Variants in PRKG1 observed in about 807,000 individuals in gnomAD.
The protein encoded by PRKG1 is cGMP-dependent protein kinase 1.
Under a neutral mutation model 88.1 loss-of-function variants are expected in PRKG1, and 35 were observed. The observed-to-expected ratio is 0.40, with a 90% CI of 0.30 to 0.53. PRKG1 has a LOEUF of 0.53. PRKG1 is among the 20% of genes least tolerant of loss of function. PRKG1 has a pLI of 0.59. For synonymous variants in PRKG1, 303 were observed against 292.5 expected (o/e 1.04, Z -0.37); for missense variants, 540 against 839.8 (o/e 0.64, Z 4.41).
intron 7 of PRKG1, among the ~76,000 whole-genome samples, chr10:52,071,188 T>C (rs1276321832): frequency 6.6e-6 from 1 of 152,230 alleles, no homozygotes; most frequent in Admixed American, 6.5e-5. Flanking sequence ...TGCAGGTTTG[T>C]TACATGGGTG....
chr10:51,407,958 A>G (rs1369619463), intron 2 of PRKG1, among the ~76,000 whole-genome samples: 3 of 151,704 alleles, frequency 2.0e-5, no homozygotes, highest in Non-Finnish European at 2.9e-5. Flanking sequence ...TTTCAGTTCA[A>G]TGGAATCATT....
Position 51,731,172 on chromosome 10 carries a change from C to CAAAA in PRKG1, c.593-73410_593-73409insAAAA, listed in dbSNP as rs1165477239. Among the ~76,000 whole-genome samples the CAAAA allele has an allele frequency of 7.6e-4, 116 of 152,068 alleles. No individual in the cohort carries two copies. The Middle Eastern group carries it at 0.02, about 27-fold the overall frequency. On this transcript the variant is annotated intron_variant, in intron 3 of 17. Coordinates refer to ENST00000373980, the MANE Select transcript of PRKG1 (RefSeq NM_006258.4). ...GAAAAACAACAAACAAACAAACAAA[C>CAAAA]AAACAAAAAACCCACTTCTGATAAG...
At chr10:51,572,882 G>C (rs561853056) in intron 3 of PRKG1, among the ~76,000 whole-genome samples, 6 of 151,868 alleles carry the variant, frequency 4.0e-5, no homozygotes, top group Non-Finnish European at 7.4e-5. Flanking sequence ...AGGGGAGTAA[G>C]AATTAAACTC....
intron 4 of PRKG1, among the ~76,000 whole-genome samples, chr10:51,897,568 T>C: frequency 6.6e-6 from 1 of 152,322 alleles, no homozygotes; most frequent in South Asian, 2.1e-4. Context: ...CCTTTATTAC[T>C]AACTTAGAAA....
intron 5 of PRKG1, among the ~76,000 whole-genome samples, chr10:51,980,469 G>T (rs1843978983): frequency 6.6e-6 from 1 of 152,170 alleles, no homozygotes; most frequent in South Asian, 2.1e-4. Flanking sequence ...TTTTGGGTTG[G>T]AGAGTTCTGT....
chr10:52,040,259 G>A (rs940277697), intron 5 of PRKG1, among the ~76,000 whole-genome samples: 1 of 152,144 alleles, frequency 6.6e-6, no homozygotes, highest in Non-Finnish European at 1.5e-5. Context: ...TTCTTTTTGA[G>A]TACTGGATTT....
At chr10:51,742,544 C>A (rs1015398356) in intron 3 of PRKG1, among the ~76,000 whole-genome samples, 3 of 152,124 alleles carry the variant, frequency 2.0e-5, no homozygotes, top group African/African-American at 7.2e-5. Flanking sequence ...AGAGGTAAGA[C>A]CCTCAGCCAT....
chr10:52,216,300 C>T (rs763182149), intron 9 of PRKG1, among the ~76,000 whole-genome samples: 3 of 152,192 alleles, frequency 2.0e-5, no homozygotes, highest in Non-Finnish European at 4.4e-5. Context: ...CTAAGCTTCT[C>T]ACTCTGGGAG....
At chr10:51,260,107 A>C in intron 2 of PRKG1, among the ~76,000 whole-genome samples, 1 of 152,168 alleles carries the variant, frequency 6.6e-6, no homozygotes, top group East Asian at 1.9e-4. Flanking sequence ...GGTTGTGATC[A>C]TGCTCTTACT....
intron 2 of PRKG1, among the ~76,000 whole-genome samples, chr10:51,274,855 C>T (rs771042364): frequency 2.0e-4 from 30 of 152,264 alleles, no homozygotes; most frequent in Non-Finnish European, 3.7e-4. Context: ...CAGTATAGTC[C>T]CTCTCTATGG....
intron 3 of PRKG1, among the ~76,000 whole-genome samples, chr10:51,615,554 G>A (rs2339795): frequency 0.86 from 129,925 of 151,346 alleles, 56,606 homozygotes; most frequent in Middle Eastern, 0.95. Flanking sequence ...CAAAAGATGC[G>A]TCTTTACATC....
chr10:52,030,078 G>T (rs1027055080), intron 5 of PRKG1, among the ~76,000 whole-genome samples: 1 of 152,082 alleles, frequency 6.6e-6, no homozygotes, highest in African/African-American at 2.4e-5. Context: ...CCCATCAGAG[G>T]CTTCATTTGC....
intron 7 of PRKG1, among the ~76,000 whole-genome samples, chr10:52,090,078 G>A (rs969992151): frequency 6.6e-6 from 1 of 152,026 alleles, no homozygotes; most frequent in Admixed American, 6.6e-5. Flanking sequence ...CTCTCAAAGT[G>A]TTGGGATTAC....
intron 3 of PRKG1, among the ~76,000 whole-genome samples, chr10:51,640,376 C>T (rs1006510796): frequency 1.6e-4 from 25 of 152,148 alleles, no homozygotes; most frequent in African/African-American, 5.1e-4. Context: ...TCTCTCAACA[C>T]CTGATTTTTT....
In PRKG1 at chr10:52,207,894, T is replaced by G. The variant is rs1427859627; in HGVS notation, c.1077-43676T>G. Among the ~76,000 whole-genome samples, 4 of 152,066 alleles carry G rather than the reference T, an allele frequency of 2.6e-5. No individual in the cohort carries two copies. The South Asian group carries it at 8.4e-4, about 32-fold the overall frequency. Reference sequence around the variant, plus strand: ...CTTCCCTCTGAAGATCTGCCTGGAGTGTGACTGTCTTCCCAATGTTCAAGT... The same window carrying G: ...CTTCCCTCTGAAGATCTGCCTGGAGGGTGACTGTCTTCCCAATGTTCAAGT... On this transcript the variant is annotated intron_variant, in intron 9 of 17. Transcript: ENST00000373980.
intron 4 of PRKG1, among the ~76,000 whole-genome samples, chr10:51,875,380 G>GT (rs1338764671): frequency 2.0e-5 from 3 of 150,470 alleles, no homozygotes; most frequent in African/African-American, 2.4e-5. Context: ...TCAAATAATT[G>GT]TTTTAAAAAA....
At chr10:51,254,721 A>G (rs1839513371) in intron 2 of PRKG1, among the ~76,000 whole-genome samples, 2 of 152,076 alleles carry the variant, frequency 1.3e-5, no homozygotes, top group Admixed American at 6.6e-5. Flanking sequence ...GAAAGCAACT[A>G]AGTCATTATT....
intron 4 of PRKG1, among the ~76,000 whole-genome samples, chr10:51,849,228 G>T (rs1447048102): frequency 2.6e-5 from 4 of 152,106 alleles, no homozygotes; most frequent in Non-Finnish European, 5.9e-5. Flanking sequence ...ATAGGGAAAA[G>T]AACATCGTTC....
chr10:51,059,401 T>C (rs965615032), intron 1 of PRKG1, among the ~76,000 whole-genome samples: 9 of 152,090 alleles, frequency 5.9e-5, no homozygotes, highest in African/African-American at 1.9e-4. Flanking sequence ...TTTATTCATT[T>C]ATTTATTTTT....
Sources: allele counts gnomAD v4.1 joint callset (sites outside exome capture counted in the v4.1 genomes callset), GRCh38; gene constraint gnomAD v4.1.1; transcripts MANE v1.5; gene names NCBI Gene and HGNC (gene_info 2026-07-23, HGNC 2026-07-21).